The following PTPRT variants were observed in gnomAD, a reference collection of about 807,000 sequenced individuals.
PTPRT encodes the protein protein tyrosine phosphatase receptor type T.
In PTPRT, 56 loss-of-function variants were observed where a neutral mutation model predicts 176.8. The observed-to-expected ratio is 0.32, with a 90% CI of 0.26 to 0.40. The LOEUF (loss-of-function observed/expected upper bound fraction) is 0.40. Ranked by LOEUF, PTPRT falls within the 10% of genes least tolerant of loss-of-function variation. The pLI is 1.00. For synonymous variants in PTPRT, 783 were observed against 739.0 expected (o/e 1.06, Z -0.96); for missense variants, 1,540 against 1,908.2 (o/e 0.81, Z 3.60).
chr20:42,468,345 C>T (rs1478453754), intron 8 of PTPRT, among the ~76,000 whole-genome samples: 1 of 152,192 alleles, frequency 6.6e-6, no homozygotes, highest in Non-Finnish European at 1.5e-5. Flanking sequence ...ACGAGTTACC[C>T]AGCCAACAGA....
intron 27 of PTPRT, among the ~76,000 whole-genome samples, chr20:42,093,294 A>C (rs968332376): frequency 6.6e-6 from 1 of 152,240 alleles, no homozygotes; most frequent in Non-Finnish European, 1.5e-5. Flanking sequence ...GAGAAGTGAC[A>C]GCATGCTTTG....
At chr20:42,103,655 G>T (rs993652004) in intron 25 of PTPRT, among the ~76,000 whole-genome samples, 1 of 152,130 alleles carries the variant, frequency 6.6e-6, no homozygotes, top group Non-Finnish European at 1.5e-5. Flanking sequence ...TTTTAGTAGA[G>T]ACAGGGTTTC....
chr20:42,321,401 A>G (rs1953796099), intron 11 of PTPRT, among the ~76,000 whole-genome samples: 1 of 152,234 alleles, frequency 6.6e-6, no homozygotes, highest in Non-Finnish European at 1.5e-5. Flanking sequence ...GTGCAGCTAC[A>G]AAATCATAAA....
intron 8 of PTPRT, among the ~76,000 whole-genome samples, chr20:42,460,930 C>T (rs1016979508): frequency 6.6e-6 from 1 of 152,180 alleles, no homozygotes; most frequent in African/African-American, 2.4e-5. Flanking sequence ...AAACTGTAAT[C>T]CCAACATTTT....
At chr20:43,149,268 CCTTT>C (rs1799228449) in intron 1 of PTPRT, among the ~76,000 whole-genome samples, 1 of 152,064 alleles carries the variant, frequency 6.6e-6, no homozygotes, top group African/African-American at 2.4e-5. Flanking sequence ...TAAATATTTG[CCTTT>C]CTTTTATATT....
intron 1 of PTPRT, among the ~76,000 whole-genome samples, chr20:43,155,066 T>A (rs997466803): frequency 6.6e-6 from 1 of 152,154 alleles, no homozygotes; most frequent in Non-Finnish European, 1.5e-5. Context: ...AGAGAGGATG[T>A]GGAGAAGATA....
chr20:42,857,560 C>A (rs1323396230), intron 2 of PTPRT, among the ~76,000 whole-genome samples: 1 of 152,148 alleles, frequency 6.6e-6, no homozygotes. Context: ...TTGACTATTT[C>A]CCCACCCTCA....
At chr20:42,565,513 G>C (rs1479109067) in intron 7 of PTPRT, among the ~76,000 whole-genome samples, 1 of 151,962 alleles carries the variant, frequency 6.6e-6, no homozygotes, top group Non-Finnish European at 1.5e-5. Context: ...CCAGAGCCTG[G>C]TGGGAAAAGC....
intron 1 of PTPRT, among the ~76,000 whole-genome samples, chr20:43,020,443 A>C (rs1985619217): frequency 6.6e-6 from 1 of 152,080 alleles, no homozygotes; most frequent in African/African-American, 2.4e-5. Context: ...GGGAGGGACA[A>C]TGGAATACTC....
chr20:42,226,217 G>C (rs2056006677), intron 15 of PTPRT, among the ~76,000 whole-genome samples: 1 of 152,172 alleles, frequency 6.6e-6, no homozygotes, highest in Admixed American at 6.5e-5. Flanking sequence ...TAGCACAAGG[G>C]AATTGCTCAG....
At chr20:42,221,695 T>G (rs1183447441) in intron 15 of PTPRT, among the ~76,000 whole-genome samples, 1 of 152,058 alleles carries the variant, frequency 6.6e-6, no homozygotes, top group African/African-American at 2.4e-5. Flanking sequence ...AATTTTTGTA[T>G]TTTTAGTAGT....
At chr20:42,033,095 C>T in the PTPRT span, among the ~76,000 whole-genome samples, 3,747 of 152,146 alleles carry the variant, frequency 0.025, 77 homozygotes, top group South Asian at 0.037. Flanking sequence ...GAGGTGAGAC[C>T]GGATAAGTGA....
rs373852567 is a variant in PTPRT, at chr20:42,102,289, G to A, written c.3549C>T (p.Asn1183=). ...CGGGCCGCACACGGGGTGTCACAATGTTGAGGGTCTGTGGGGCACAAAGGT... is the reference window on the plus strand; with the variant it reads ...CGGGCCGCACACGGGGTGTCACAATATTGAGGGTCTGTGGGGCACAAAGGT... The part of the protein sequence containing the change: ...SQIKDEFQTL[N]IVTPRVRPED... The change falls in exon 26 of 31, where the codon AAC becomes AAT. Residue 1183 remains asparagine (N), a synonymous_variant. Transcript: ENST00000373187. 48 of 1,613,888 alleles carry A rather than the reference G, an allele frequency of 3.0e-5. No individual in the cohort carries two copies. The highest frequency in any genetic ancestry group is 1.7e-4 in the Middle Eastern group (1 of 6,060).
intron 18 of PTPRT, among the ~76,000 whole-genome samples, chr20:42,131,946 C>A (rs1339389352): frequency 6.6e-6 from 1 of 152,080 alleles, no homozygotes; most frequent in Non-Finnish European, 1.5e-5. Flanking sequence ...GCAAGGGTCT[C>A]CTGTCCTGGG....
intron 3 of PTPRT, 62 bp downstream of exon 3, chr20:42,791,133 G>C (rs2077368199): frequency 5.9e-6 from 9 of 1,515,170 alleles, no homozygotes; most frequent in Admixed American, 4.3e-5. Flanking sequence ...CCTGTAGGGA[G>C]AGCAAAGGTG....
intron 16 of PTPRT, among the ~76,000 whole-genome samples, chr20:42,176,640 TG>T (rs1600635440): frequency 1.3e-5 from 2 of 152,212 alleles, no homozygotes; most frequent in African/African-American, 4.8e-5. Context: ...AAATACAGAC[TG>T]CTCCTATTTT....
chr20:42,431,231 G>A (rs2059213466), intron 9 of PTPRT, among the ~76,000 whole-genome samples: 1 of 152,058 alleles, frequency 6.6e-6, no homozygotes, highest in Non-Finnish European at 1.5e-5. Context: ...AGGTTAATTT[G>A]CCCAAAAGTC....
chr20:42,118,849 C>T (rs1391682626), intron 20 of PTPRT, among the ~76,000 whole-genome samples: 1 of 151,544 alleles, frequency 6.6e-6, no homozygotes, highest in South Asian at 2.1e-4. Context: ...AGGGAGTTTT[C>T]GAAAATTGGT....
intron 1 of PTPRT, among the ~76,000 whole-genome samples, chr20:43,131,585 C>G (rs994067929): frequency 7.9e-5 from 12 of 152,110 alleles, no homozygotes; most frequent in African/African-American, 2.2e-4. Flanking sequence ...TCTGTCTTGT[C>G]AAAGAATTAT....
Sources: gnomAD v4.1 joint callset for allele counts (sites outside exome capture counted in the v4.1 genomes callset) on GRCh38, gnomAD v4.1.1 for gene constraint, MANE v1.5 for transcripts, NCBI Gene and HGNC (gene_info 2026-07-23, HGNC 2026-07-21) for gene names.